SEM1: variants seen among roughly 807,000 people sequenced by gnomAD.
SEM1 encodes SEM1 26S proteasome subunit, also known as 26S proteasome complex subunit SEM1.
In SEM1, 3 loss-of-function variants were observed where a neutral mutation model predicts 12.7. That is an observed-to-expected ratio of 0.24 (90% CI 0.11 to 0.61). The LOEUF is 0.61. Among genes scored for constraint, SEM1 ranks in the 20% least tolerant of loss-of-function variants. The probability of loss-of-function intolerance (pLI) is 0.88; values close to 1 mark genes in which losing one functional copy is unlikely to be tolerated. For missense variants in SEM1, 59 were observed against 81.3 expected (o/e 0.73, Z 1.06); for synonymous variants, 30 against 27.8 (o/e 1.08, Z -0.25).
chr7:96,588,190 G>C (rs948940194), intron 2 of SEM1, among the ~76,000 whole-genome samples: 2 of 151,648 alleles, frequency 1.3e-5, no homozygotes, highest in African/African-American at 4.8e-5. Flanking sequence ...GCAATAGTGA[G>C]ACAAAAAATT....
At chr7:96,625,744 T>G (rs1808040836) in intron 2 of SEM1, among the ~76,000 whole-genome samples, 1 of 152,150 alleles carries the variant, frequency 6.6e-6, no homozygotes. Context: ...TTTGCAGGAG[T>G]GTAGAACAGC....
At chr7:96,504,463 C>G (rs1803682583) in intron 3 of SEM1, among the ~76,000 whole-genome samples, 1 of 152,074 alleles carries the variant, frequency 6.6e-6, no homozygotes, top group African/African-American at 2.4e-5. Context: ...TGAACTGATT[C>G]AACAATTACC....
chr7:96,529,249 G>A (rs1045447895), intron 2 of SEM1, among the ~76,000 whole-genome samples: 3 of 152,040 alleles, frequency 2.0e-5, no homozygotes, highest in African/African-American at 7.2e-5. Flanking sequence ...ATAAAAGATT[G>A]TATAACCTAA....
exon 4 of SEM1, chr7:96,482,606 G>A (rs1802588595): frequency 6.6e-6 from 1 of 152,148 alleles, no homozygotes; most frequent in East Asian, 1.9e-4. Context: ...ACTTGGTACA[G>A]GAATTCCTGT....
chr7:96,489,093 T>C (rs898866476), intron 1 of SEM1, among the ~76,000 whole-genome samples: 1 of 152,150 alleles, frequency 6.6e-6, no homozygotes. Context: ...TGGCAGATGA[T>C]TGATTGGACA....
chr7:96,541,443 G>GTTTTTT (rs61049763), intron 2 of SEM1, among the ~76,000 whole-genome samples: 1 of 102,394 alleles, frequency 9.8e-6, no homozygotes, highest in African/African-American at 3.8e-5. Flanking sequence ...TTTTTTTTTT[G>GTTTTTT]TTTTTTTTTT....
intron 2 of SEM1, among the ~76,000 whole-genome samples, chr7:96,615,364 T>C (rs1030581091): frequency 2.7e-5 from 4 of 150,832 alleles, no homozygotes; most frequent in African/African-American, 7.3e-5. Context: ...GCAATTCTTA[T>C]TCCTCAGCCT....
At chr7:96,498,943 T>C (rs1184935789), upstream of SEM1, among the ~76,000 whole-genome samples, 2 of 152,194 alleles carry the variant, frequency 1.3e-5, no homozygotes, top group African/African-American at 4.8e-5. Flanking sequence ...ATAGGTTTTC[T>C]ATAAAATCAT....
chr7:96,542,345 T>G (rs551845735), intron 2 of SEM1, among the ~76,000 whole-genome samples: 54 of 151,978 alleles, frequency 3.6e-4, no homozygotes, highest in African/African-American at 1.1e-3. Flanking sequence ...TCTTAGGTAT[T>G]TTGTTTGTGT....
rs747064281 is a variant in SEM1 at position 96,654,321 on chromosome 7, A to G, written c.171-31678T>C. On this transcript the variant is annotated intron_variant, in intron 2 of 2. Transcript: ENST00000417009. ...GCTGTGGAGTTGTGAAGCTTCCCCA[A>G]TAGAAAGTGTCATCCCTCTCCTAGT... Among the ~76,000 whole-genome samples the G allele has an allele frequency of 1.4e-4, 21 of 152,334 alleles. No individual in the cohort carries two copies. The South Asian group carries it at 1.9e-3, about 14-fold the overall frequency.
At chr7:96,587,948 C>T (rs1806694451) in intron 2 of SEM1, among the ~76,000 whole-genome samples, 1 of 152,012 alleles carries the variant, frequency 6.6e-6, no homozygotes. Context: ...AACTTTGTAC[C>T]AATAGACCTG....
intron 2 of SEM1, among the ~76,000 whole-genome samples, chr7:96,616,008 T>C (rs1584807535): frequency 6.6e-6 from 1 of 152,210 alleles, no homozygotes; most frequent in Non-Finnish European, 1.5e-5. Context: ...GATAGACATA[T>C]AAGTGCAGGT....
At chr7:96,581,843 G>T (rs558105830) in intron 2 of SEM1, among the ~76,000 whole-genome samples, 15 of 152,098 alleles carry the variant, frequency 9.9e-5, no homozygotes, top group East Asian at 3.9e-4. Context: ...CTTTGCTGAA[G>T]TTGCTTATCA....
chr7:96,592,470 G>A (rs979208671), intron 2 of SEM1, among the ~76,000 whole-genome samples: 1 of 151,914 alleles, frequency 6.6e-6, no homozygotes, highest in Non-Finnish European at 1.5e-5. Flanking sequence ...GCTGGAGATT[G>A]TCATATTCTG....
chr7:96,658,975 G>A (rs1040818004), intron 2 of SEM1, among the ~76,000 whole-genome samples: 13 of 152,194 alleles, frequency 8.5e-5, no homozygotes, highest in African/African-American at 2.6e-4. Flanking sequence ...GGTACCATAT[G>A]ATCTAGTAGA....
chr7:96,573,750 T>G (rs2116001551), intron 2 of SEM1, among the ~76,000 whole-genome samples: 1 of 152,200 alleles, frequency 6.6e-6, no homozygotes, highest in South Asian at 2.1e-4. Context: ...TGTCTTGGGG[T>G]TGCTCTTCTT....
At chr7:96,595,981 G>T (rs758123116) in intron 2 of SEM1, among the ~76,000 whole-genome samples, 1 of 152,208 alleles carries the variant, frequency 6.6e-6, no homozygotes, top group Admixed American at 6.5e-5. Context: ...GCCTTTGCAG[G>T]CATAGGGTGG....
chr7:96,605,342 T>C (rs1459995781), intron 2 of SEM1, among the ~76,000 whole-genome samples: 2 of 152,150 alleles, frequency 1.3e-5, no homozygotes, highest in African/African-American at 2.4e-5. Context: ...AAATATTTCA[T>C]GTGAAGGCCA....
exon 2 of SEM1, chr7:96,486,282 G>A (rs1274043718): frequency 1.3e-6 from 2 of 1,537,022 alleles, no homozygotes; most frequent in South Asian, 2.4e-5. Flanking sequence ...AAGGCCGGAT[G>A]CTTACTCTCA....
Sources: gnomAD v4.1 joint callset for allele counts (sites outside exome capture counted in the v4.1 genomes callset) on GRCh38, gnomAD v4.1.1 for gene constraint, MANE v1.5 for transcripts, NCBI Gene and HGNC (gene_info 2026-07-23, HGNC 2026-07-21) for gene names.